The following WWC1 variants were observed in gnomAD, a reference collection of about 807,000 sequenced individuals.
The protein encoded by WWC1 is WW and C2 domain containing 1, also known as protein KIBRA.
Under a neutral mutation model 138.4 loss-of-function variants are expected in WWC1, and 55 were observed. The ratio of observed to expected loss-of-function variants is 0.40; its 90% confidence interval spans 0.32 to 0.50. The LOEUF (loss-of-function observed/expected upper bound fraction) is 0.50. Ranked by LOEUF, WWC1 falls within the 20% of genes least tolerant of loss-of-function variation. The pLI is 0.72. For synonymous variants in WWC1, 524 were observed against 564.9 expected (o/e 0.93, Z 1.03); for missense variants, 1,226 against 1,420.4 (o/e 0.86, Z 2.20).
intron 1 of WWC1, among the ~76,000 whole-genome samples, chr5:168,340,498 C>T (rs771066308): frequency 3.8e-4 from 57 of 151,462 alleles, no homozygotes; most frequent in Non-Finnish European, 6.5e-4. Flanking sequence ...ATCTTCACTT[C>T]CCCCCAGCCC....
intron 9 of WWC1, among the ~76,000 whole-genome samples, chr5:168,418,300 C>A (rs1780810445): frequency 6.6e-6 from 1 of 152,200 alleles, no homozygotes; most frequent in Non-Finnish European, 1.5e-5. Flanking sequence ...CCCCACTGCT[C>A]CCCAGAGCTG....
At chr5:168,432,047 C>CAA (rs10532675) in intron 15 of WWC1, among the ~76,000 whole-genome samples, 9 of 111,414 alleles carry the variant, frequency 8.1e-5, no homozygotes, top group South Asian at 2.9e-4. Flanking sequence ...AACCCTGTGT[C>CAA]AAAAAAAAAA....
intron 1 of WWC1, among the ~76,000 whole-genome samples, chr5:168,333,061 A>C (rs1189743583): frequency 6.6e-6 from 1 of 152,042 alleles, no homozygotes; most frequent in Non-Finnish European, 1.5e-5. Flanking sequence ...CTCAAGCCCC[A>C]CCTCAGACCT....
rs117181427 is a variant in WWC1, at chr5:168,341,101, G to A, written c.120-30323G>A. On this transcript the variant is annotated intron_variant, in intron 1 of 22. Coordinates refer to ENST00000265293, the MANE Select transcript of WWC1 (RefSeq NM_015238.3). ...CCTGTCCTTGTGAAACTTACAGGGA[G>A]ACCATGGCGCAATAATCGAAGACAC... Among the ~76,000 whole-genome samples, 9 of 152,318 alleles carry A rather than the reference G, an allele frequency of 5.9e-5. 1 individual carries two copies. The East Asian group carries it at 1.5e-3, about 26-fold the overall frequency.
At chr5:168,401,684 A>G (rs1779323033) in intron 5 of WWC1, among the ~76,000 whole-genome samples, 1 of 152,206 alleles carries the variant, frequency 6.6e-6, no homozygotes, top group Non-Finnish European at 1.5e-5. Context: ...AGTATTATAA[A>G]TTATGGCTTT....
At chr5:168,406,662 C>T (rs1399286316) in intron 6 of WWC1, among the ~76,000 whole-genome samples, 4 of 152,098 alleles carry the variant, frequency 2.6e-5, no homozygotes, top group African/African-American at 9.7e-5. Flanking sequence ...GGAGAGTCGG[C>T]CGGGCGCGGT....
intron 1 of WWC1, among the ~76,000 whole-genome samples, chr5:168,356,142 G>A (rs1775395055): frequency 6.6e-6 from 1 of 152,236 alleles, no homozygotes; most frequent in African/African-American, 2.4e-5. Context: ...TCATTGTCTG[G>A]TGCTCTACCC....
chr5:168,362,916 T>A (rs533103602), intron 1 of WWC1, among the ~76,000 whole-genome samples: 1 of 152,240 alleles, frequency 6.6e-6, no homozygotes, highest in Non-Finnish European at 1.5e-5. Context: ...GGAGGAACCG[T>A]CTGGAATCTC....
Position 168,460,725 on chromosome 5 carries a change from A to C in WWC1, c.2899A>C (p.Ser967Arg). 6.2e-7 allele frequency: 1 copy of C among 1,614,162 alleles called. No individual in the cohort carries two copies. Among genetic ancestry groups the C allele is most frequent in the Non-Finnish European group, 8.5e-7 (1 of 1,180,030 alleles). Reference protein sequence around the residue: ...PFVRNSLERRSVRMKRPSSVK... With the variant: ...PFVRNSLERRRVRMKRPSSVK... ...TGTTCGAAACTCCCTGGAGCGACGC[A>C]GCGTCCGGATGAAGCGGGTAAGAGA... The change falls in exon 20 of 23, where the codon AGC (serine) becomes CGC (arginine). Residue 967 changes from serine to arginine, a missense_variant. Coordinates refer to ENST00000265293, the MANE Select transcript of WWC1 (RefSeq NM_015238.3).
intron 19 of WWC1, among the ~76,000 whole-genome samples, chr5:168,459,254 C>CAAAAAAAAAAAAA (rs34453947): frequency 1.1e-5 from 1 of 94,814 alleles, no homozygotes; most frequent in African/African-American, 4.2e-5. Context: ...AACCCTGTCT[C>CAAAAAAAAAAAAA]AAAAAAAAAA....
chr5:168,435,453 C>A (rs1443104665), intron 15 of WWC1, among the ~76,000 whole-genome samples: 1 of 152,194 alleles, frequency 6.6e-6, no homozygotes, highest in Non-Finnish European at 1.5e-5. Context: ...CTTTGTTGCC[C>A]AGGCTGGAGT....
At chr5:168,388,731 G>A (rs113615300) in intron 3 of WWC1, among the ~76,000 whole-genome samples, 1 of 151,986 alleles carries the variant, frequency 6.6e-6, no homozygotes, top group South Asian at 2.1e-4. Context: ...TCAGGAGGCT[G>A]AGGCAGGAGA....
chr5:168,316,049 A>G (rs925400350), intron 1 of WWC1, among the ~76,000 whole-genome samples: 3 of 152,206 alleles, frequency 2.0e-5, no homozygotes, highest in African/African-American at 7.2e-5. Flanking sequence ...GACAGCTAGA[A>G]TGCTCAGGCC....
rs371236169 is a variant in WWC1, at chr5:168,406,347, T to A, written c.720+20T>A. The A allele has an allele frequency of 7.1e-5, 115 of 1,612,598 alleles. 3 individuals carry two copies. The highest frequency in any genetic ancestry group is 6.9e-4 in the South Asian group (63 of 90,996). On this transcript the variant is annotated intron_variant, in intron 6 of 22. Transcript: ENST00000265293. Reference sequence around the variant, plus strand: ...ATTAAGGTATGCAAGTTCCTGTTGATGTGGGTGCCATCTTGATTTCTCCTG... The same window carrying A: ...ATTAAGGTATGCAAGTTCCTGTTGAAGTGGGTGCCATCTTGATTTCTCCTG...
chr5:168,412,586 C>A (rs537552129), intron 8 of WWC1, among the ~76,000 whole-genome samples: 1 of 152,252 alleles, frequency 6.6e-6, no homozygotes, highest in African/African-American at 2.4e-5. Context: ...ACAGCAGCTA[C>A]AAAGTTGTCT....
chr5:168,308,210 A>G (rs1431130604), intron 1 of WWC1, among the ~76,000 whole-genome samples: 1 of 152,232 alleles, frequency 6.6e-6, no homozygotes. Flanking sequence ...ACTGAAACCA[A>G]AGAAAGCCAT....
chr5:168,374,678 A>C (rs1364697611), intron 2 of WWC1, among the ~76,000 whole-genome samples: 1 of 152,184 alleles, frequency 6.6e-6, no homozygotes, highest in Non-Finnish European at 1.5e-5. Flanking sequence ...GGAGAGTTTT[A>C]AACAGATGAG....
At chr5:168,297,683 G>A (rs1670635977) in intron 1 of WWC1, among the ~76,000 whole-genome samples, 1 of 151,136 alleles carries the variant, frequency 6.6e-6, no homozygotes, top group Admixed American at 6.6e-5. Context: ...CTTGCCCAAG[G>A]TCACACAGAA....
chr5:168,402,081 C>T (rs529328564), intron 5 of WWC1, among the ~76,000 whole-genome samples: 1 of 152,322 alleles, frequency 6.6e-6, no homozygotes, highest in African/African-American at 2.4e-5. Flanking sequence ...ACCACTTTGT[C>T]ACCCTGTAGC....
Sources: allele counts gnomAD v4.1 joint callset (sites outside exome capture counted in the v4.1 genomes callset), GRCh38; gene constraint gnomAD v4.1.1; transcripts MANE v1.5; gene names NCBI Gene and HGNC (gene_info 2026-07-23, HGNC 2026-07-21).